TAFA2: variants seen among roughly 807,000 people sequenced by gnomAD.
TAFA2 encodes TAFA chemokine like family member 2.
TAFA2 carries 7 observed loss-of-function variants against 18.8 expected under a neutral mutation model. The observed-to-expected ratio is 0.37, with a 90% confidence interval of 0.21 to 0.70. TAFA2 has a LOEUF of 0.70. Among genes scored for constraint, TAFA2 ranks in the 30% least tolerant of loss-of-function variants. The pLI is 0.53. For synonymous variants in TAFA2, 60 were observed against 54.2 expected (o/e 1.11, Z -0.47); for missense variants, 122 against 158.1 (o/e 0.77, Z 1.23).
At chr12:61,939,170 T>A (rs192441652) in intron 1 of TAFA2, among the ~76,000 whole-genome samples, 6 of 152,320 alleles carry the variant, frequency 3.9e-5, no homozygotes, top group Admixed American at 2.0e-4. Flanking sequence ...AGTTTTTCAA[T>A]GGTATCTGGA....
intron 4 of TAFA2, among the ~76,000 whole-genome samples, chr12:61,725,267 T>G (rs527822769): frequency 6.6e-6 from 1 of 152,236 alleles, no homozygotes; most frequent in African/African-American, 2.4e-5. Context: ...ACTTTTGCTG[T>G]GTAGAAGCTT....
At chr12:62,052,999 G>A (rs1165659382) in intron 1 of TAFA2, among the ~76,000 whole-genome samples, 5 of 152,178 alleles carry the variant, frequency 3.3e-5, no homozygotes, top group African/African-American at 1.2e-4. Flanking sequence ...AGGTTAGTGG[G>A]TCGTTGTCGT....
At chr12:62,000,287 A>C (rs1880337643) in intron 1 of TAFA2, among the ~76,000 whole-genome samples, 1 of 127,626 alleles carries the variant, frequency 7.8e-6, no homozygotes, top group African/African-American at 2.7e-5. Flanking sequence ...GCTCAAAGAA[A>C]GAAACCACAT....
At chr12:61,794,424 T>C (rs1871109243) in intron 2 of TAFA2, among the ~76,000 whole-genome samples, 1 of 151,956 alleles carries the variant, frequency 6.6e-6, no homozygotes, top group African/African-American at 2.4e-5. Flanking sequence ...TAATTTAGAG[T>C]AGCATCACAA....
At chr12:61,768,612 G>T (rs992376572) in intron 2 of TAFA2, among the ~76,000 whole-genome samples, 3 of 152,118 alleles carry the variant, frequency 2.0e-5, no homozygotes, top group African/African-American at 7.2e-5. Context: ...CTGGAGCTGA[G>T]ATGAATTTAG....
intron 4 of TAFA2, among the ~76,000 whole-genome samples, chr12:61,727,876 A>T (rs1484279374): frequency 2.6e-5 from 4 of 151,824 alleles, no homozygotes; most frequent in African/African-American, 9.7e-5. Context: ...TTAGCACTAC[A>T]TTTGCTGTAT....
At chr12:61,910,095 TGTGTTTGTGTGTG>T (rs1876538373) in intron 1 of TAFA2, among the ~76,000 whole-genome samples, 2 of 89,504 alleles carry the variant, frequency 2.2e-5, no homozygotes, top group Non-Finnish European at 4.6e-5. Flanking sequence ...TGTGTGTGTG[TGTGTTTGTGTGTG>T]TGTGTGTGTG....
At chr12:61,974,229 A>G (rs1047360708) in intron 1 of TAFA2, among the ~76,000 whole-genome samples, 1 of 151,762 alleles carries the variant, frequency 6.6e-6, no homozygotes, top group Non-Finnish European at 1.5e-5. Flanking sequence ...TGCCAAATGT[A>G]TAAGTTTAAG....
chr12:62,141,644 T>C (rs1347347233), intron 1 of TAFA2, among the ~76,000 whole-genome samples: 1 of 152,234 alleles, frequency 6.6e-6, no homozygotes, highest in African/African-American at 2.4e-5. Flanking sequence ...GGCTTTATAT[T>C]ATTATATTGT....
At chr12:61,823,079 T>C (rs1872388224) in intron 2 of TAFA2, among the ~76,000 whole-genome samples, 1 of 152,212 alleles carries the variant, frequency 6.6e-6, no homozygotes, top group Non-Finnish European at 1.5e-5. Context: ...AGCATATACA[T>C]TAAAAAATCT....
chr12:62,105,458 A>C (rs1466045645), intron 1 of TAFA2, among the ~76,000 whole-genome samples: 1 of 152,218 alleles, frequency 6.6e-6, no homozygotes, highest in Admixed American at 6.5e-5. Context: ...GCTCCCCTGT[A>C]TGAGATTATC....
At chr12:62,075,101 T>C (rs1224938851) in intron 1 of TAFA2, among the ~76,000 whole-genome samples, 1 of 152,192 alleles carries the variant, frequency 6.6e-6, no homozygotes, top group Non-Finnish European at 1.5e-5. Flanking sequence ...ATTGAACCAA[T>C]AACACAACAT....
intron 1 of TAFA2, among the ~76,000 whole-genome samples, chr12:61,886,805 T>C (rs1875404422): frequency 6.6e-6 from 1 of 152,236 alleles, no homozygotes; most frequent in Non-Finnish European, 1.5e-5. Flanking sequence ...GCTATTGGCA[T>C]AATTCAGCTA....
At chr12:61,918,601 G>A (rs1305906763) in intron 1 of TAFA2, among the ~76,000 whole-genome samples, 1 of 152,136 alleles carries the variant, frequency 6.6e-6, no homozygotes, top group Non-Finnish European at 1.5e-5. Context: ...ATTGTGAATA[G>A]TGCTGCCATA....
At position 62,051,290 on chromosome 12, in the gene TAFA2, A is replaced by G. The variant is rs571494000; in HGVS notation, c.-2+139969T>C. Among the ~76,000 whole-genome samples the G allele has an allele frequency of 7.6e-4, 115 of 152,256 alleles. No individual in the cohort carries two copies. In the Middle Eastern group the frequency reaches 0.014, roughly 18 times the overall value. On this transcript the variant is annotated intron_variant, in intron 1 of 4. Transcript: ENST00000416284. Reference sequence around the variant, plus strand: ...CCTCCTGCCTGCTTCATGCAAAAGGACTTCATTCAGATCCAGAAACAAATT... The same window carrying G: ...CCTCCTGCCTGCTTCATGCAAAAGGGCTTCATTCAGATCCAGAAACAAATT...
At chr12:62,054,215 A>G (rs1394874965) in intron 1 of TAFA2, among the ~76,000 whole-genome samples, 4 of 152,236 alleles carry the variant, frequency 2.6e-5, no homozygotes, top group African/African-American at 4.8e-5. Flanking sequence ...AACAGATTCT[A>G]TGGTTAGCAA....
At position 62,207,684 on chromosome 12, in the gene TAFA2, G is replaced by C. The variant is rs116773083; in HGVS notation, c.-130+51079C>G. On this transcript the variant is annotated intron_variant, in intron 1 of 5. Coordinates refer to the TAFA2 transcript ENST00000551619. The stretch of plus-strand genomic sequence containing the variant: ...GAACCACAGTGGTTCCTAGGGTACA[G>C]GGGATGTTCCACTTCTCCACAATGT... Among the ~76,000 whole-genome samples, 3 of 152,272 alleles carry C rather than the reference G, an allele frequency of 2.0e-5. No individual in the cohort carries two copies. In the East Asian group the frequency reaches 5.8e-4, roughly 29 times the overall value.
At chr12:62,142,868 C>T (rs2062249354) in intron 1 of TAFA2, among the ~76,000 whole-genome samples, 1 of 152,132 alleles carries the variant, frequency 6.6e-6, no homozygotes, top group African/African-American at 2.4e-5. Context: ...AATGTTTTAA[C>T]CACCTGGTGC....
intron 4 of TAFA2, among the ~76,000 whole-genome samples, chr12:61,734,725 C>A (rs935413961): frequency 3.3e-5 from 5 of 151,940 alleles, no homozygotes; most frequent in African/African-American, 1.2e-4. Flanking sequence ...CCACTGCTTA[C>A]TCACAATGTA....
Sources: allele counts gnomAD v4.1 joint callset (sites outside exome capture counted in the v4.1 genomes callset), GRCh38; gene constraint gnomAD v4.1.1; transcripts MANE v1.5; gene names NCBI Gene and HGNC (gene_info 2026-07-23, HGNC 2026-07-21).